Variants in TBC1D22B observed in about 807,000 individuals in gnomAD.
The protein encoded by TBC1D22B is TBC1 domain family member 22B, also known as chromosome 6 open reading frame 197.
Under a neutral mutation model 69.1 loss-of-function variants are expected in TBC1D22B, and 32 were observed. The ratio of observed to expected loss-of-function variants is 0.46; its 90% CI spans 0.35 to 0.62. The LOEUF (loss-of-function observed/expected upper bound fraction) is 0.62. Ranked by LOEUF, TBC1D22B falls within the 20% of genes least tolerant of loss-of-function variation. TBC1D22B has a pLI of 0.00. For missense variants in TBC1D22B, 462 were observed against 630.9 expected (o/e 0.73, Z 2.87); for synonymous variants, 206 against 229.8 (o/e 0.90, Z 0.94).
At chr6:37,273,601 G>A (rs538001844) in intron 2 of TBC1D22B, among the ~76,000 whole-genome samples, 1 of 152,256 alleles carries the variant, frequency 6.6e-6, no homozygotes, top group South Asian at 2.1e-4. Flanking sequence ...TATTTTCACT[G>A]ATCTTTCAGC....
At chr6:37,313,565 C>T (rs1767991800) in intron 9 of TBC1D22B, among the ~76,000 whole-genome samples, 1 of 152,014 alleles carries the variant, frequency 6.6e-6, no homozygotes, top group Non-Finnish European at 1.5e-5. Flanking sequence ...GCCTTGACTT[C>T]GTCTTTGGAG....
Position 37,265,397 on chromosome 6 carries a change from C to A in TBC1D22B, c.57-4197C>A, listed in dbSNP as rs188689837. ...TTTCTACCCAGTCACCTTACCTAAC[C>A]GGCCTGTTGAGATCTTCCTGCAGTT... On this transcript the variant is annotated intron_variant, in intron 1 of 12. Transcript: ENST00000373491. Among the ~76,000 whole-genome samples the A allele has an allele frequency of 1.3e-3, 201 of 152,300 alleles. 1 individual carries two copies. Among genetic ancestry groups the A allele is most frequent in the Admixed American group, 0.012 (176 of 15,300 alleles).
intron 8 of TBC1D22B, among the ~76,000 whole-genome samples, chr6:37,309,807 G>A (rs918944907): frequency 3.3e-5 from 5 of 151,896 alleles, no homozygotes; most frequent in African/African-American, 7.3e-5. Context: ...TGATGGAGGC[G>A]CACCATGCAG....
intron 1 of TBC1D22B, among the ~76,000 whole-genome samples, chr6:37,267,325 C>G (rs887668667): frequency 1.1e-5 from 1 of 94,718 alleles, no homozygotes; most frequent in East Asian, 2.7e-4. Context: ...TATATATATA[C>G]ACACACACAT....
At chr6:37,300,946 A>G (rs1245904436) in intron 8 of TBC1D22B, among the ~76,000 whole-genome samples, 1 of 152,058 alleles carries the variant, frequency 6.6e-6, no homozygotes, top group Non-Finnish European at 1.5e-5. Context: ...TCAAATTTGT[A>G]CCCTCTGAAC....
rs370595989 is a variant in TBC1D22B at position 37,330,384 on chromosome 6, G to A, written c.1390-660G>A. 9.9e-5 allele frequency among the ~76,000 whole-genome samples: 15 copies of A among 151,904 alleles called. No individual in the cohort carries two copies. The South Asian group carries it at 1.7e-3, about 17-fold the overall frequency. On this transcript the variant is annotated intron_variant, in intron 12 of 12. Transcript: ENST00000373491. Reference sequence around the variant, plus strand: ...CTCCCAAGTAGCTGTGACTACAGGCGTGTGCTACCTTGCCTGGCTAATTGT... The same window carrying A: ...CTCCCAAGTAGCTGTGACTACAGGCATGTGCTACCTTGCCTGGCTAATTGT...
chr6:37,312,132 A>G (rs1474139073), intron 8 of TBC1D22B, among the ~76,000 whole-genome samples: 1 of 152,234 alleles, frequency 6.6e-6, no homozygotes, highest in African/African-American at 2.4e-5. Flanking sequence ...AACTTGGGAA[A>G]TGCTGGATAA....
chr6:37,290,790 G>A (rs949472794), intron 7 of TBC1D22B, among the ~76,000 whole-genome samples: 1 of 151,688 alleles, frequency 6.6e-6, no homozygotes, highest in African/African-American at 2.4e-5. Context: ...AGGGGAGGGT[G>A]GTAGAAAAGG....
intron 3 of TBC1D22B, among the ~76,000 whole-genome samples, chr6:37,280,838 T>G (rs1766804582): frequency 1.3e-5 from 2 of 152,224 alleles, no homozygotes; most frequent in Non-Finnish European, 2.9e-5. Context: ...TCATGGAAGT[T>G]GTTTTTGTAA....
intron 12 of TBC1D22B, among the ~76,000 whole-genome samples, chr6:37,323,983 A>T (rs1644842315): frequency 2.0e-5 from 3 of 152,158 alleles, no homozygotes; most frequent in African/African-American, 7.2e-5. Flanking sequence ...TAAAAGTTTG[A>T]CTCTCAACAA....
chr6:37,316,462 C>A (rs141171990), intron 10 of TBC1D22B, among the ~76,000 whole-genome samples: 423 of 152,324 alleles, frequency 2.8e-3, no homozygotes, highest in African/African-American at 9.6e-3. Flanking sequence ...GGAAGCGGGG[C>A]TCCTAGAACA....
chr6:37,303,571 G>T (rs559685096), intron 8 of TBC1D22B, among the ~76,000 whole-genome samples: 1 of 152,020 alleles, frequency 6.6e-6, no homozygotes, highest in Non-Finnish European at 1.5e-5. Context: ...ACAGAGACTC[G>T]CCCACAGAAC....
intron 1 of TBC1D22B, among the ~76,000 whole-genome samples, chr6:37,261,233 A>T (rs1421457510): frequency 6.6e-6 from 1 of 152,016 alleles, no homozygotes; most frequent in Non-Finnish European, 1.5e-5. Context: ...GGAGTCCGAG[A>T]CCAGCCTGGC....
At chr6:37,264,925 A>G (rs770609617) in intron 1 of TBC1D22B, among the ~76,000 whole-genome samples, 6 of 152,208 alleles carry the variant, frequency 3.9e-5, no homozygotes, top group Non-Finnish European at 8.8e-5. Flanking sequence ...TATGGTACAG[A>G]CAGTGAAAGG....
At chr6:37,285,752 C>A (rs1410013869) in intron 6 of TBC1D22B, among the ~76,000 whole-genome samples, 1 of 152,134 alleles carries the variant, frequency 6.6e-6, no homozygotes, top group Admixed American at 6.5e-5. Context: ...CTTGGCCTCC[C>A]AAAGTGCTGG....
rs67372032 is a variant in TBC1D22B at position 37,330,222 on chromosome 6, C to CTTTTTTTTT, written c.1390-795_1390-787dup. On this transcript the variant is annotated intron_variant, in intron 12 of 12. Coordinates refer to ENST00000373491, the MANE Select transcript of TBC1D22B (RefSeq NM_017772.4). ...GATGTTATAAATATTTTGTCCGTTT[C>CTTTTTTTTT]TTTTTTTTTTTTTTTTTTTTTTTTT... Among the ~76,000 whole-genome samples the CTTTTTTTTT allele has an allele frequency of 3.5e-3, 263 of 75,562 alleles. 25 individuals carry two copies. The highest frequency in any genetic ancestry group is 4.4e-3 in the South Asian group (9 of 2,060). 49.6% of individuals were successfully genotyped at this position (75,562 alleles called of 152,430 possible).
chr6:37,282,853 A>G, intron 4 of TBC1D22B, 29 bp from the exon 5 acceptor site: 1 of 1,612,282 alleles, frequency 6.2e-7, no homozygotes, highest in Non-Finnish European at 8.5e-7. Flanking sequence ...GTGGAGAGTT[A>G]ACCTAACAAG....
chr6:37,318,697 C>T (rs1225753006), intron 12 of TBC1D22B, among the ~76,000 whole-genome samples: 1 of 152,010 alleles, frequency 6.6e-6, no homozygotes, highest in Non-Finnish European at 1.5e-5. Flanking sequence ...CTCCTGGAAC[C>T]CCTGGGTGGG....
intron 2 of TBC1D22B, among the ~76,000 whole-genome samples, chr6:37,271,103 AG>A (rs1292699460): frequency 2.6e-5 from 4 of 152,146 alleles, no homozygotes; most frequent in Admixed American, 1.3e-4. Flanking sequence ...ACTTGAGGTC[AG>A]GAGTTTGAGA....
Sources: gnomAD v4.1 joint callset for allele counts (sites outside exome capture counted in the v4.1 genomes callset) on GRCh38, gnomAD v4.1.1 for gene constraint, MANE v1.5 for transcripts, NCBI Gene and HGNC (gene_info 2026-07-23, HGNC 2026-07-21) for gene names.